KCNQ1: variants seen among roughly 807,000 people sequenced by gnomAD.
KCNQ1 encodes potassium voltage-gated channel subfamily Q member 1, also known as potassium voltage-gated channel subfamily KQT member 1.
KCNQ1 carries 49 observed loss-of-function variants against 72.4 expected under a neutral mutation model. That is an observed-to-expected ratio of 0.68 (90% CI 0.54 to 0.86). The LOEUF (loss-of-function observed/expected upper bound fraction) is 0.86. KCNQ1 is among the 40% of genes least tolerant of loss of function. KCNQ1 has a pLI of 0.00. For synonymous variants in KCNQ1, 450 were observed against 412.6 expected, an observed-to-expected ratio of 1.09 and a Z score of -1.10; for missense variants, 790 against 945.1, an observed-to-expected ratio of 0.84 and a Z score of 2.15.
At position 2,667,152 on chromosome 11, in the gene KCNQ1, G is replaced by A. The variant is rs117155213; in HGVS notation, c.1514+5071G>A. The A allele has an allele frequency of 1.5e-3, 584 of 398,668 alleles. 5 individuals are homozygous for A. In the East Asian group the frequency reaches 0.016, roughly 11 times the overall value. The allele number at this position is 398,668 out of a possible 1,614,324, so 24.7% of individuals were successfully genotyped here. ...AAAGAGATGGGATTGGGAATCAGATGCCCTCAATCTGGCTTCCAGCCTGCC... is the reference window on the plus strand; with the variant it reads ...AAAGAGATGGGATTGGGAATCAGATACCCTCAATCTGGCTTCCAGCCTGCC... On this transcript the variant is annotated intron_variant, in intron 11 of 15. Coordinates refer to ENST00000155840, the MANE Select transcript of KCNQ1 (RefSeq NM_000218.3).
At chr11:2,688,188 G>A in intron 11 of KCNQ1, 1 of 398,828 alleles carries the variant, frequency 2.5e-6, no homozygotes, top group Non-Finnish European at 4.4e-6. Context: ...CCAAGCAAGG[G>A]GGCAGGAGGG....
intron 11 of KCNQ1, among the ~76,000 whole-genome samples, chr11:2,700,257 C>T (rs1006788849): frequency 2.6e-5 from 4 of 152,126 alleles, no homozygotes; most frequent in Admixed American, 2.0e-4. Flanking sequence ...CGCCGCCCTC[C>T]CTGCCCCCAC....
chr11:2,822,243 T>C (rs1847752634), intron 15 of KCNQ1, among the ~76,000 whole-genome samples: 1 of 152,184 alleles, frequency 6.6e-6, no homozygotes, highest in Non-Finnish European at 1.5e-5. Context: ...GTGAGACTCC[T>C]GACCTCCAGT....
Position 2,695,289 on chromosome 11 carries a change from C to G in KCNQ1, c.1514+33208C>G. 2.5e-6 allele frequency: 1 copy of G among 398,608 alleles called. No homozygotes were observed. The allele number at this position is 398,608 out of a possible 1,614,324, so 24.7% of individuals were successfully genotyped here. A position where few individuals can be genotyped will look rare whatever the true frequency, so the allele number is the denominator to read the frequency against. On this transcript the variant is annotated intron_variant, in intron 11 of 15. Coordinates refer to ENST00000155840, the MANE Select transcript of KCNQ1 (RefSeq NM_000218.3). This position sits in a 1 kb window ranked among gnomAD's most constrained non-coding sequence, Gnocchi z 5.2. ...CTAGCCTCTATCCTTGCTCTCCTCC[C>G]TACACAAACAGCTTCTCCAGGGTAA...
In KCNQ1 at chr11:2,566,213, G is replaced by T. The variant is rs1039673043; in HGVS notation, c.478-4415G>T. Among the ~76,000 whole-genome samples, 10 of 152,112 alleles carry T rather than the reference G, an allele frequency of 6.6e-5. No homozygotes were observed. The highest frequency in any genetic ancestry group is 2.2e-4 in the African/African-American group (9 of 41,386). On this transcript the variant is annotated intron_variant, in intron 2 of 15. Coordinates refer to ENST00000155840, the MANE Select transcript of KCNQ1 (RefSeq NM_000218.3). This position sits in a 1 kb window ranked among gnomAD's most constrained non-coding sequence, Gnocchi z 6.7. ...CATGTCTGGGTCCCCTTTGCCAAGGGTCCTCCAGCCTTTGGCCTGCACCCA... is the reference window on the plus strand; with the variant it reads ...CATGTCTGGGTCCCCTTTGCCAAGGTTCCTCCAGCCTTTGGCCTGCACCCA...
In KCNQ1 at chr11:2,748,672, C is replaced by T. The variant is rs184293327; in HGVS notation, c.1515-20172C>T. 5.0e-3 allele frequency among the ~76,000 whole-genome samples: 763 copies of T among 152,160 alleles called. 2 individuals are homozygous for T. The highest frequency in any genetic ancestry group is 7.1e-3 in the Non-Finnish European group (482 of 67,984). On this transcript the variant is annotated intron_variant, in intron 11 of 15. Coordinates refer to ENST00000155840, the MANE Select transcript of KCNQ1 (RefSeq NM_000218.3). The surrounding 1 kb of genome is among the most constrained non-coding windows in gnomAD (Gnocchi z 6.2). ...CAGCAGGGACTCCCCACGCCAGGCC[C>T]GGCTGGATCACAGAGCTTCGGGTCC...
chr11:2,621,532 G>A lies in KCNQ1; in HGVS notation c.1393+32678G>A, dbSNP rs1236515751. The A allele has an allele frequency of 1.8e-5, 7 of 398,336 alleles. No homozygotes were observed. Among genetic ancestry groups the A allele is most frequent in the Non-Finnish European group, 2.7e-5 (6 of 226,036 alleles). 24.7% of individuals were successfully genotyped at this position (398,336 alleles called of 1,614,324 possible). On this transcript the variant is annotated intron_variant, in intron 10 of 15. Transcript: ENST00000155840. This position sits in a 1 kb window ranked among gnomAD's most constrained non-coding sequence, Gnocchi z 5.7. ...CTCTGTTGATAATTTCTTTTGCTAT[G>A]CAGAAGCTCTTTAGTTTACCACTGT...
In KCNQ1 at chr11:2,784,367, AT is replaced by A. The variant is rs1169122539; in HGVS notation, c.1794+6331del. ...TTTCAATTCTATTATGTTGGTCTAT[AT>A]GCCTTTCTGTAAGTCTATATGCCTT... On this transcript the variant is annotated intron_variant, in intron 15 of 15. Transcript: ENST00000155840. This position sits in a 1 kb window ranked among gnomAD's most constrained non-coding sequence, Gnocchi z 4.7. Among the ~76,000 whole-genome samples, 6 of 151,938 alleles carry A rather than the reference AT, an allele frequency of 3.9e-5. No homozygotes were observed. The highest frequency in any genetic ancestry group is 1.2e-4 in the African/African-American group (5 of 41,456).
chr11:2,819,491 C>A (rs367768767), intron 15 of KCNQ1, among the ~76,000 whole-genome samples: 1 of 152,228 alleles, frequency 6.6e-6, no homozygotes, highest in East Asian at 1.9e-4. Flanking sequence ...TGACATTGAA[C>A]CTTCCTTGAA....
In KCNQ1 at chr11:2,683,961, T is replaced by C; in HGVS notation, c.1514+21880T>C. On this transcript the variant is annotated intron_variant, in intron 11 of 15. Coordinates refer to ENST00000155840, the MANE Select transcript of KCNQ1 (RefSeq NM_000218.3). This position sits in a 1 kb window ranked among gnomAD's most constrained non-coding sequence, Gnocchi z 4.7. ...GACAAAACCAGCTGACTGCTTTTACTTTTTTTTTTTTTTCATTTAGAAGAA... is the reference window on the plus strand; with the variant it reads ...GACAAAACCAGCTGACTGCTTTTACCTTTTTTTTTTTTTCATTTAGAAGAA... The C allele has an allele frequency of 6.0e-6, 1 of 167,002 alleles. No homozygotes were observed. The highest frequency in any genetic ancestry group is 1.1e-5 in the Non-Finnish European group (1 of 90,026). 10.3% of individuals were successfully genotyped at this position (167,002 alleles called of 1,614,324 possible).
intron 2 of KCNQ1, among the ~76,000 whole-genome samples, chr11:2,556,380 C>G (rs73404647): frequency 0.084 from 12,811 of 152,226 alleles, 1,010 homozygotes; most frequent in African/African-American, 0.21. Context: ...GTAGGAATAC[C>G]TACCTGTCAG....
intron 1 of KCNQ1, among the ~76,000 whole-genome samples, chr11:2,499,071 A>G (rs2188200): frequency 0.52 from 79,625 of 152,024 alleles, 22,257 homozygotes; most frequent in Non-Finnish European, 0.63. Flanking sequence ...AATCAGTCCC[A>G]ATGAGATGAA....
intron 2 of KCNQ1, among the ~76,000 whole-genome samples, chr11:2,555,767 G>A (rs1235315578): frequency 2.0e-5 from 3 of 152,254 alleles, no homozygotes; most frequent in Non-Finnish European, 4.4e-5. Flanking sequence ...TCGGCCTGGA[G>A]TGCCTCCACT....
intron 15 of KCNQ1, among the ~76,000 whole-genome samples, chr11:2,835,794 G>C (rs61869847): frequency 0.017 from 2,575 of 152,270 alleles, 25 homozygotes; most frequent in Non-Finnish European, 0.023. Flanking sequence ...CAGAGGAAAA[G>C]CCTTCCTCAT....
chr11:2,600,311 TAAAAC>T lies in KCNQ1; in HGVS notation c.1393+11466_1393+11470del, dbSNP rs374733427. Among the ~76,000 whole-genome samples, 19 of 152,310 alleles carry T rather than the reference TAAAAC, an allele frequency of 1.2e-4. No individual in the cohort carries two copies. The highest frequency in any genetic ancestry group is 3.6e-4 in the African/African-American group (15 of 41,580). ...AAAGCAGTCCCTCAGGATTGTTTCT[TAAAAC>T]AAAACAAACTGTTTATTTGGCCATA... On this transcript the variant is annotated intron_variant, in intron 10 of 15. Transcript: ENST00000155840. The surrounding 1 kb of genome is among the most constrained non-coding windows in gnomAD (Gnocchi z 5.6).
Position 2,676,846 on chromosome 11 carries a change from T to C in KCNQ1, c.1514+14765T>C, listed in dbSNP as rs1850303523. ...ACAGGGGTCATGTTGTAATGACACC[T>C]GTCAGCTTTGACTGGGGAGCCCTTT... On this transcript the variant is annotated intron_variant, in intron 11 of 15. Coordinates refer to ENST00000155840, the MANE Select transcript of KCNQ1 (RefSeq NM_000218.3). This position sits in a 1 kb window ranked among gnomAD's most constrained non-coding sequence, Gnocchi z 4.2. The C allele has an allele frequency of 7.5e-6, 3 of 398,534 alleles. No individual in the cohort carries two copies. The highest frequency in any genetic ancestry group is 6.2e-5 in the African/African-American group (3 of 48,632). 24.7% of individuals were successfully genotyped at this position (398,534 alleles called of 1,614,324 possible).
In KCNQ1 at chr11:2,802,927, C is replaced by T. The variant is rs115419627; in HGVS notation, c.1794+24890C>T. 7.3e-3 allele frequency among the ~76,000 whole-genome samples: 1,105 copies of T among 152,340 alleles called. 15 individuals carry two copies. Among genetic ancestry groups the T allele is most frequent in the African/African-American group, 0.025 (1,029 of 41,586 alleles). On this transcript the variant is annotated intron_variant, in intron 15 of 15. Transcript: ENST00000155840. ...ACAGCGCTACCTGCAAAGGCCAGAC[C>T]GGCCAGCCAGGGAGGTGGGCTAGAC...
intron 2 of KCNQ1, among the ~76,000 whole-genome samples, chr11:2,532,790 C>T (rs1847662818): frequency 1.3e-5 from 2 of 152,168 alleles, no homozygotes; most frequent in Non-Finnish European, 1.5e-5. Context: ...AGCAGGTTCC[C>T]GAGGCTTCAG....
rs1375134847 is a variant in KCNQ1, at chr11:2,599,211, T to C, written c.1393+10357T>C. Among the ~76,000 whole-genome samples the C allele has an allele frequency of 6.6e-6, 1 of 152,200 alleles. No individual in the cohort carries two copies. The highest frequency in any genetic ancestry group is 1.5e-5 in the Non-Finnish European group (1 of 68,038). On this transcript the variant is annotated intron_variant, in intron 10 of 15. Transcript: ENST00000155840. This position sits in a 1 kb window ranked among gnomAD's most constrained non-coding sequence, Gnocchi z 4.7. ...ATAATATTCAATGAAATAAAATACA[T>C]GTGACATAATGAAGGCATTATCATT...
Sources: gnomAD v4.1 joint callset for allele counts (sites outside exome capture counted in the v4.1 genomes callset) on GRCh38, gnomAD v4.1.1 for gene constraint, Gnocchi (gnomAD v3.1) non-coding constraint, MANE v1.5 for transcripts, NCBI Gene and HGNC (gene_info 2026-07-23, HGNC 2026-07-21) for gene names.